CCDC7: variants seen among roughly 807,000 people sequenced by gnomAD.
CCDC7 encodes coiled-coil domain containing 7.
Under a neutral mutation model 196.9 loss-of-function variants are expected in CCDC7, and 183 were observed. The ratio of observed to expected loss-of-function variants is 0.93; its 90% CI spans 0.82 to 1.05. CCDC7 has a LOEUF of 1.05. Among genes scored for constraint, CCDC7 ranks in the 50% least tolerant of loss-of-function variants. CCDC7 has a pLI of 0.00. For missense variants in CCDC7, 1,540 were observed against 1,482.2 expected (o/e 1.04, Z -0.64); for synonymous variants, 525 against 484.6 (o/e 1.08, Z -1.10).
chr10:32,555,477 C>G (rs960190014), intron 13 of CCDC7, among the ~76,000 whole-genome samples: 2 of 152,068 alleles, frequency 1.3e-5, no homozygotes, highest in African/African-American at 4.8e-5. Flanking sequence ...ATCTCTTGAC[C>G]TCGTGATCTG....
At chr10:32,708,339 T>A (rs1463712369) in intron 24 of CCDC7, among the ~76,000 whole-genome samples, 1 of 152,188 alleles carries the variant, frequency 6.6e-6, no homozygotes, top group East Asian at 1.9e-4. Context: ...ATTAAAGACT[T>A]AAATGTTAGA....
At chr10:32,729,259 C>G (rs1448909066) in intron 27 of CCDC7, 73 bp from the exon 29 acceptor site, 1 of 1,372,772 alleles carries the variant, frequency 7.3e-7, no homozygotes, top group East Asian at 2.4e-5. Flanking sequence ...CATTTTACTT[C>G]CATGGGTTGA....
At chr10:32,628,317 TA>T (rs2064341185) in intron 18 of CCDC7, among the ~76,000 whole-genome samples, 1 of 151,974 alleles carries the variant, frequency 6.6e-6, no homozygotes, top group Admixed American at 6.6e-5. Context: ...TGTAATTGTT[TA>T]TAGTAGTCTA....
chr10:32,625,888 G>A (rs764178529), intron 18 of CCDC7, among the ~76,000 whole-genome samples: 37 of 152,084 alleles, frequency 2.4e-4, no homozygotes, highest in Admixed American at 1.9e-3. Flanking sequence ...CCATGTCATT[G>A]CAAGTGACAG....
chr10:32,560,194 G>C (rs993589014), intron 13 of CCDC7, among the ~76,000 whole-genome samples: 3 of 152,356 alleles, frequency 2.0e-5, no homozygotes, highest in African/African-American at 7.2e-5. Context: ...ATCTATGTCT[G>C]ATTGGTGTAC....
chr10:32,557,988 T>TTA (rs1428443357), intron 13 of CCDC7, among the ~76,000 whole-genome samples: 4 of 152,236 alleles, frequency 2.6e-5, no homozygotes. Flanking sequence ...CATGCATTTT[T>TTA]TATAGCTTAT....
At chr10:32,658,428 GA>G (rs961127523) in intron 20 of CCDC7, among the ~76,000 whole-genome samples, 4 of 134,276 alleles carry the variant, frequency 3.0e-5, no homozygotes, top group Non-Finnish European at 4.7e-5. Context: ...TGCAAAGGGG[GA>G]AAAACCTCTT....
At chr10:32,870,906 TGC>T (rs2094404184) in intron 41 of CCDC7, among the ~76,000 whole-genome samples, 1 of 152,234 alleles carries the variant, frequency 6.6e-6, no homozygotes, top group South Asian at 2.1e-4. Flanking sequence ...TTTACTGATT[TGC>T]GTATGTTGAA....
chr10:32,528,757 C>T (rs114932973), intron 11 of CCDC7, among the ~76,000 whole-genome samples: 7,726 of 143,948 alleles, frequency 0.054, 675 homozygotes, highest in African/African-American at 0.19. Context: ...TACATATATA[C>T]GTATTTACAT....
At chr10:32,521,769 C>T (rs1258112599) in intron 11 of CCDC7, among the ~76,000 whole-genome samples, 2 of 152,092 alleles carry the variant, frequency 1.3e-5, no homozygotes, top group African/African-American at 4.8e-5. Context: ...GGCATTCTTA[C>T]CATGTTCCAG....
Position 32,732,211 on chromosome 10 carries a change from A to G in CCDC7, c.2905+2754A>G, listed in dbSNP as rs551335587. Among the ~76,000 whole-genome samples the G allele has an allele frequency of 1.8e-4, 28 of 152,330 alleles. No homozygotes were observed. In the South Asian group the frequency reaches 5.6e-3, roughly 30 times the overall value. On this transcript the variant is annotated intron_variant, in intron 28 of 41. Coordinates refer to ENST00000639629, the Ensembl canonical transcript of CCDC7. ...ATGAAATAGCAGATGAAAATCTTTC[A>G]CATGAAATAAAGTTTTAATTTTAAA...
intron 41 of CCDC7, among the ~76,000 whole-genome samples, chr10:32,863,170 C>CAA (rs145500693): frequency 2.6e-5 from 4 of 151,320 alleles, no homozygotes; most frequent in Admixed American, 2.6e-4. Context: ...TATGAAACCA[C>CAA]AAAAAAAACC....
rs77521488 is a variant in CCDC7, at chr10:32,456,939, T to C, written c.456+605T>C. Among the ~76,000 whole-genome samples, 1,200 of 152,118 alleles carry C rather than the reference T, an allele frequency of 7.9e-3. 7 individuals carry two copies. The highest frequency in any genetic ancestry group is 0.02 in the Middle Eastern group (6 of 294). On this transcript the variant is annotated intron_variant, in intron 3 of 41. Transcript: ENST00000639629. ...ATATTTTGATACATACAATGGGTAG[T>C]GGTCAAATCAGAGTAATTAGCATAT...
intron 20 of CCDC7, among the ~76,000 whole-genome samples, chr10:32,645,712 G>T (rs1327804431): frequency 6.6e-6 from 1 of 151,706 alleles, no homozygotes; most frequent in Non-Finnish European, 1.5e-5. Context: ...TTTTGATTTT[G>T]TTTCTCATTA....
chr10:32,789,103 T>TTC (rs2082296790), intron 29 of CCDC7, among the ~76,000 whole-genome samples: 1 of 151,442 alleles, frequency 6.6e-6, no homozygotes. Context: ...GGGCTTTTTT[T>TTC]TTTTTTTTTT....
rs567898662 is a variant in CCDC7 at position 32,668,614 on chromosome 10, A to G, written c.2122+4453A>G. Reference sequence around the variant, plus strand: ...GAATTTTGTCAAAGGCCTTTTCTGCATCTATTGAGATAATCATGTGGTTTT... The same window carrying G: ...GAATTTTGTCAAAGGCCTTTTCTGCGTCTATTGAGATAATCATGTGGTTTT... On this transcript the variant is annotated intron_variant, in intron 21 of 41. Transcript: ENST00000639629. Among the ~76,000 whole-genome samples the G allele has an allele frequency of 3.9e-5, 6 of 152,262 alleles. No homozygotes were observed. The East Asian group carries it at 1.2e-3, about 29-fold the overall frequency.
chr10:32,825,447 C>T (rs2090972887), intron 32 of CCDC7, among the ~76,000 whole-genome samples: 2 of 152,176 alleles, frequency 1.3e-5, no homozygotes, highest in African/African-American at 4.8e-5. Flanking sequence ...GCCTCCCAGC[C>T]TACATCTTTC....
intron 11 of CCDC7, among the ~76,000 whole-genome samples, chr10:32,526,608 T>C (rs939032222): frequency 6.6e-6 from 1 of 152,084 alleles, no homozygotes; most frequent in African/African-American, 2.4e-5. Flanking sequence ...GGCCCAGGGC[T>C]CTTTATTCAG....
intron 21 of CCDC7, among the ~76,000 whole-genome samples, chr10:32,672,308 G>T (rs548438242): frequency 1.3e-5 from 2 of 152,286 alleles, no homozygotes; most frequent in African/African-American, 4.8e-5. Context: ...CTCTATGATG[G>T]CTAAACCAGT....
Sources: gnomAD v4.1 joint callset for allele counts (sites outside exome capture counted in the v4.1 genomes callset) on GRCh38, gnomAD v4.1.1 for gene constraint, MANE v1.5 for transcripts, NCBI Gene and HGNC (gene_info 2026-07-23, HGNC 2026-07-21) for gene names.